PRKAG1: variants seen among roughly 807,000 people sequenced by gnomAD.
PRKAG1 encodes protein kinase AMP-activated non-catalytic subunit gamma 1, also known as 5'-AMP-activated protein kinase subunit gamma-1.
A neutral mutation model predicts 48.2 loss-of-function variants in PRKAG1; 27 were observed. The ratio of observed to expected loss-of-function variants is 0.56; its 90% CI spans 0.41 to 0.77. PRKAG1 has a LOEUF of 0.77. Ranked by LOEUF, PRKAG1 falls within the 30% of genes least tolerant of loss-of-function variation. The pLI, the probability that PRKAG1 is intolerant of heterozygous loss-of-function variation, is 0.00. For missense variants in PRKAG1, 287 were observed against 398.3 expected (o/e 0.72, Z 2.38); for synonymous variants, 130 against 147.7 (o/e 0.88, Z 0.87).
chr12:49,018,681 G>A (rs779701713), intron 1 of PRKAG1, 51 bp downstream of exon 1: 7 of 1,613,384 alleles, frequency 4.3e-6, no homozygotes, highest in Non-Finnish European at 5.9e-6. Context: ...AAGGGTTGGG[G>A]GGGTGTCTTA....
At chr12:49,012,008 G>A (rs1442267689) in intron 2 of PRKAG1, among the ~76,000 whole-genome samples, 1 of 151,766 alleles carries the variant, frequency 6.6e-6, no homozygotes, top group East Asian at 1.9e-4. Context: ...CAGGCATGCA[G>A]CTCCACGCCC....
chr12:49,014,908 T>G (rs911016200), intron 1 of PRKAG1, among the ~76,000 whole-genome samples: 8 of 152,242 alleles, frequency 5.3e-5, no homozygotes, highest in Non-Finnish European at 1.2e-4. Flanking sequence ...GGCTCCATTT[T>G]CTCTGGGTGA....
At chr12:49,009,306 TAG>T in intron 2 of PRKAG1, 1 of 152,196 alleles carries the variant, frequency 6.6e-6, no homozygotes, top group South Asian at 2.1e-4. Context: ...TATTTTTTTG[TAG>T]AGACAGGGTC....
chr12:49,004,655 T>C, intron 7 of PRKAG1, 22 bp from the exon 8 acceptor site: 1 of 1,613,642 alleles, frequency 6.2e-7, no homozygotes. Flanking sequence ...TGGGAGATAA[T>C]AAGTTCCACA....
At chr12:49,018,501 C>A (rs1942097844) in intron 1 of PRKAG1, 1 of 1,396,018 alleles carries the variant, frequency 7.2e-7, no homozygotes, top group East Asian at 2.8e-5. Context: ...TCACTGCCTG[C>A]TTGGGCTAAG....
chr12:49,015,822 C>T (rs924611964), intron 1 of PRKAG1, among the ~76,000 whole-genome samples: 1 of 152,028 alleles, frequency 6.6e-6, no homozygotes, highest in African/African-American at 2.4e-5. Context: ...GTGATCCACC[C>T]GCCTCGGCCT....
Position 49,005,543 on chromosome 12 carries a change from C to T in PRKAG1, c.169G>A (p.Val57Met). Residue 57 changes from valine (V) to methionine (M), a missense_variant and splice_region_variant, in exon 4 of 12, where the codon GTG becomes ATG. Physicochemically the swap from Val to Met is conservative, Grantham distance 21. This residue lies in a region of PRKAG1 where 224 missense variants were observed against 344.3 expected (regional missense o/e 0.65). Coordinates refer to ENST00000548065, the MANE Select transcript of PRKAG1 (RefSeq NM_002733.5). The surrounding 1 kb of genome is among the most constrained non-coding windows in gnomAD (Gnocchi z 4.1). ...KLVVFDTSLQ[V>M]KKAFFALVTN... ...ACCAAAGCAAAAAAAGCTTTCTTCA[C>T]CTGTAGCCAAGACAGTAATAATCAT... The T allele has an allele frequency of 6.2e-7, 1 of 1,614,158 alleles. No homozygotes were observed. Among genetic ancestry groups the T allele is most frequent in the Non-Finnish European group, 8.5e-7 (1 of 1,180,036 alleles).
intron 1 of PRKAG1, chr12:49,016,679 A>G (rs1941988665): frequency 6.5e-6 from 1 of 154,590 alleles, no homozygotes; most frequent in East Asian, 1.9e-4. Context: ...TCATGCTTTC[A>G]CCAAGTTTGT....
In PRKAG1 at chr12:49,002,846, G is replaced by T; in HGVS notation, c.*53C>A. ...TCATCTGATTCCCACAGAGCTTCCAGCAGGCAGTGAGTTGGGCATATCCCC... is the reference window on the plus strand; with the variant it reads ...TCATCTGATTCCCACAGAGCTTCCATCAGGCAGTGAGTTGGGCATATCCCC... On this transcript the variant is annotated 3_prime_UTR_variant, in exon 12 of 12. Transcript: ENST00000548065. 1 of 1,503,956 alleles carries T rather than the reference G, an allele frequency of 6.6e-7. No homozygotes were observed. The allele number at this position is 1,503,956 out of a possible 1,614,324, so 93.2% of individuals were successfully genotyped here.
chr12:49,017,211 T>C, intron 1 of PRKAG1: 1 of 456,032 alleles, frequency 2.2e-6, no homozygotes, highest in Middle Eastern at 3.3e-4. Context: ...TTCTTTTCTT[T>C]TTTTTTGGAG....
rs1428510088 is a variant in PRKAG1 at position 49,003,309 on chromosome 12, G to A, written c.742-19C>T. 1.9e-6 allele frequency: 3 copies of A among 1,613,914 alleles called. No individual in the cohort carries two copies. The South Asian group carries it at 3.3e-5, about 18-fold the overall frequency. ...CCAGATTCTGGGGAGACAGAGGAAG[G>A]AGCTTGCAGGGAAGCAAGAGAGCCA... On this transcript the variant is annotated intron_variant, in intron 10 of 11. Transcript: ENST00000548065.
chr12:49,009,137 T>TA (rs2137667443), intron 2 of PRKAG1, among the ~76,000 whole-genome samples: 1 of 151,742 alleles, frequency 6.6e-6, no homozygotes, highest in Non-Finnish European at 1.5e-5. Flanking sequence ...TTTTTTTTTT[T>TA]TAAAGAGACA....
rs201322311 is a variant in PRKAG1 at position 49,013,071 on chromosome 12, G to A, written c.49C>T (p.His17Tyr). The part of the protein sequence containing the change: ...SDSSPAVENE[H>Y]PQETPESNNS... ...TCTTCAGTAAACTTACCTTGAGGAT[G>A]CTCATTTTCCACAGCTGGGGAGCTA... The change falls in exon 2 of 12, where the codon CAT (histidine) becomes TAT (tyrosine). Residue 17 changes from histidine (H) to tyrosine (Y), a missense_variant. Physicochemically the swap from His to Tyr is moderately conservative, Grantham distance 83 (BLOSUM62 2). Coordinates refer to ENST00000548065, the MANE Select transcript of PRKAG1 (RefSeq NM_002733.5). 6.2e-7 allele frequency: 1 copy of A among 1,612,976 alleles called. No individual in the cohort carries two copies. The highest frequency in any genetic ancestry group is 8.5e-7 in the Non-Finnish European group (1 of 1,179,086).
At chr12:49,007,621 A>G (rs1211775531) in intron 2 of PRKAG1, among the ~76,000 whole-genome samples, 1 of 152,170 alleles carries the variant, frequency 6.6e-6, no homozygotes, top group Non-Finnish European at 1.5e-5. Context: ...AGATGAGAAC[A>G]TCTATCTACC....
At chr12:49,010,151 G>T in intron 2 of PRKAG1, among the ~76,000 whole-genome samples, 1 of 152,024 alleles carries the variant, frequency 6.6e-6, no homozygotes, top group East Asian at 1.9e-4. Flanking sequence ...TTCCAGAGTG[G>T]GGTGGGGGGC....
intron 8 of PRKAG1, chr12:49,004,186 G>A: frequency 1.9e-6 from 1 of 525,694 alleles, no homozygotes; most frequent in South Asian, 2.8e-5. Context: ...CAGCTCTTCT[G>A]GGGGTTGAGG....
intron 1 of PRKAG1, among the ~76,000 whole-genome samples, chr12:49,013,783 A>G (rs1941856774): frequency 6.6e-6 from 1 of 152,194 alleles, no homozygotes; most frequent in African/African-American, 2.4e-5. Context: ...TACTTGAAAA[A>G]ACAAATTTTT....
At chr12:49,012,376 T>G (rs1189059580) in intron 2 of PRKAG1, among the ~76,000 whole-genome samples, 2 of 150,536 alleles carry the variant, frequency 1.3e-5, no homozygotes, top group Non-Finnish European at 2.9e-5. Flanking sequence ...ATTTTTTTCT[T>G]TCTTTTTTTT....
At chr12:49,004,799 G>C in intron 7 of PRKAG1, 165 bp downstream of exon 7, 1 of 1,263,404 alleles carries the variant, frequency 7.9e-7, no homozygotes, top group South Asian at 1.3e-5. Flanking sequence ...GTGAGAATGA[G>C]AGAGAGAGAG....
Sources: gnomAD v4.1 joint callset for allele counts (sites outside exome capture counted in the v4.1 genomes callset) on GRCh38, gnomAD v4.1.1 for gene constraint, gnomAD v4.1.1 regional missense constraint, Gnocchi (gnomAD v3.1) non-coding constraint, MANE v1.5 for transcripts, NCBI Gene and HGNC (gene_info 2026-07-23, HGNC 2026-07-21) for gene names.